The following PRDM16 variants were observed in gnomAD, a reference collection of about 807,000 sequenced individuals.
PRDM16 encodes the protein PR/SET domain 16.
In PRDM16, 23 loss-of-function variants were observed where a neutral mutation model predicts 110.6. The ratio of observed to expected loss-of-function variants is 0.21; its 90% confidence interval spans 0.15 to 0.29. PRDM16 has a LOEUF of 0.29. Ranked by LOEUF, PRDM16 falls within the 10% of genes least tolerant of loss-of-function variation. PRDM16 has a pLI of 1.00. For missense variants in PRDM16, 1,615 were observed against 1,794.3 expected (o/e 0.90, Z 1.81); for synonymous variants, 799 against 781.8 (o/e 1.02, Z -0.37).
chr1:3,254,995 T>C, intron 3 of PRDM16, among the ~76,000 whole-genome samples: 1 of 151,964 alleles, frequency 6.6e-6, no homozygotes, highest in South Asian at 2.1e-4. Context: ...CCCTCAGAAA[T>C]AACGCCGCAT....
At chr1:3,352,895 G>A (rs1642521870) in intron 3 of PRDM16, among the ~76,000 whole-genome samples, 1 of 152,106 alleles carries the variant, frequency 6.6e-6, no homozygotes, top group Admixed American at 6.5e-5. Context: ...CGCATTTGGT[G>A]TTCACACAAG....
intron 14 of PRDM16, among the ~76,000 whole-genome samples, chr1:3,429,082 G>A (rs1004614802): frequency 1.3e-5 from 2 of 152,278 alleles, no homozygotes; most frequent in African/African-American, 4.8e-5. Flanking sequence ...GATGGCCAAA[G>A]AGGGCCGGCA....
intron 3 of PRDM16, among the ~76,000 whole-genome samples, chr1:3,352,265 G>T (rs1325154418): frequency 6.6e-6 from 1 of 152,098 alleles, no homozygotes; most frequent in African/African-American, 2.4e-5. Context: ...CCCCACCTGC[G>T]GACTGATTCA....
chr1:3,198,329 C>T (rs971086560), intron 2 of PRDM16, among the ~76,000 whole-genome samples: 3 of 152,254 alleles, frequency 2.0e-5, no homozygotes, highest in Non-Finnish European at 4.4e-5. Context: ...AAGCCGGCAC[C>T]CTTGCTGCAT....
In PRDM16 at chr1:3,081,458, C is replaced by T. The variant is rs2788094; in HGVS notation, c.37+12162C>T. Among the ~76,000 whole-genome samples the T allele has an allele frequency of 0.097, 14,781 of 152,250 alleles. 941 individuals are homozygous for T. Among genetic ancestry groups the T allele is most frequent in the Middle Eastern group, 0.15 (44 of 294 alleles). On this transcript the variant is annotated intron_variant, in intron 1 of 16. Transcript: ENST00000270722. This position sits in a 1 kb window ranked among gnomAD's most constrained non-coding sequence, Gnocchi z 4.6. ...GAGCCCCCTCCTTGTCCCACCAGAC[C>T]GAGCTGTGGCCGTGTGAGGAGCAGG...
chr1:3,124,751 G>A (rs1643168947), intron 1 of PRDM16, among the ~76,000 whole-genome samples: 1 of 152,208 alleles, frequency 6.6e-6, no homozygotes, highest in African/African-American at 2.4e-5. Context: ...TCCACCTAAG[G>A]TGGGCCCCAG....
intron 3 of PRDM16, among the ~76,000 whole-genome samples, chr1:3,292,059 C>T (rs1011106230): frequency 6.6e-6 from 1 of 152,022 alleles, no homozygotes; most frequent in Admixed American, 6.5e-5. Flanking sequence ...GGTGCATGGC[C>T]GCTTCAGCAA....
rs75477577 is a variant in PRDM16 at position 3,357,366 on chromosome 1, G to A, written c.439-27786G>A. On this transcript the variant is annotated intron_variant, in intron 3 of 16. Transcript: ENST00000270722. ...AAATGCCAGCCCCACCCCCCGCCCC[G>A]AGCTGGAAAACCTTCAGCCGTGTGC... is the stretch of plus-strand genomic sequence containing the variant. Among the ~76,000 whole-genome samples the A allele has an allele frequency of 7.4e-3, 1,082 of 147,164 alleles. 14 individuals are homozygous for A. Among genetic ancestry groups the A allele is most frequent in the Non-Finnish European group, 9.8e-3 (658 of 66,920 alleles).
intron 3 of PRDM16, among the ~76,000 whole-genome samples, chr1:3,319,425 AG>A (rs1457044033): frequency 1.3e-5 from 2 of 152,166 alleles, no homozygotes; most frequent in African/African-American, 4.8e-5. Context: ...TGTTTGGGGC[AG>A]GGGGGCAGAT....
In PRDM16 at chr1:3,255,618, G is replaced by A. The variant is rs1640024642; in HGVS notation, c.438+11481G>A. On this transcript the variant is annotated intron_variant, in intron 3 of 16. Transcript: ENST00000270722. This position sits in a 1 kb window ranked among gnomAD's most constrained non-coding sequence, Gnocchi z 4.7. ...ACAGCACACGGTGCCCCTCCTTATCGCATTCAACTTAGCTGCTGTGGGCAA... is the reference window on the plus strand; with the variant it reads ...ACAGCACACGGTGCCCCTCCTTATCACATTCAACTTAGCTGCTGTGGGCAA... Among the ~76,000 whole-genome samples the A allele has an allele frequency of 2.0e-5, 3 of 152,190 alleles. No homozygotes were observed. The highest frequency in any genetic ancestry group is 2.1e-4 in the South Asian group (1 of 4,832).
chr1:3,283,544 AAG>A (rs1158506118), intron 3 of PRDM16, among the ~76,000 whole-genome samples: 1 of 152,064 alleles, frequency 6.6e-6, no homozygotes, highest in East Asian at 1.9e-4. Context: ...AGACACACAG[AAG>A]AGAGGGGACG....
At chr1:3,225,571 TGTGC>T (rs1389759047) in intron 2 of PRDM16, among the ~76,000 whole-genome samples, 5 of 107,666 alleles carry the variant, frequency 4.6e-5, no homozygotes, top group South Asian at 2.9e-4. Flanking sequence ...TGTGTGTGTG[TGTGC>T]GCGCGCGCAG....
intron 2 of PRDM16, among the ~76,000 whole-genome samples, chr1:3,222,209 C>T (rs1393088883): frequency 3.3e-5 from 5 of 152,194 alleles, no homozygotes; most frequent in Non-Finnish European, 7.3e-5. Flanking sequence ...GGGCTGCCCA[C>T]GTGGGTTCCC....
rs1041074829 is a variant in PRDM16, at chr1:3,265,469, C to T, written c.438+21332C>T. ...GTTGGGGAGGGACTTGGAGGCTTCCCGGTGGGAAGGTGAGTTGCCCTGCCT... is the reference window on the plus strand; with the variant it reads ...GTTGGGGAGGGACTTGGAGGCTTCCTGGTGGGAAGGTGAGTTGCCCTGCCT... On this transcript the variant is annotated intron_variant, in intron 3 of 16. Transcript: ENST00000270722. This position sits in a 1 kb window ranked among gnomAD's most constrained non-coding sequence, Gnocchi z 4.5. 3.3e-5 allele frequency among the ~76,000 whole-genome samples: 5 copies of T among 151,902 alleles called. No homozygotes were observed. The highest frequency in any genetic ancestry group is 4.8e-5 in the African/African-American group (2 of 41,322).
At chr1:3,411,038 T>G (rs1106271) in intron 8 of PRDM16, among the ~76,000 whole-genome samples, 86,349 of 151,972 alleles carry the variant, frequency 0.57, 26,372 homozygotes, top group African/African-American at 0.81. Flanking sequence ...CAGTCTTGGG[T>G]GGGGCGCATG....
In PRDM16 at chr1:3,435,838, C is replaced by T. The variant is rs1207216778; in HGVS notation, c.*2027C>T. On this transcript the variant is annotated 3_prime_UTR_variant, in exon 17 of 17. Coordinates refer to ENST00000270722, the MANE Select transcript of PRDM16 (RefSeq NM_022114.4). ...GGGGAGGCTCCTGCAGGAGGCTCAA[C>T]CCGACGGATCACAGTGAAAGGGATT... is the stretch of plus-strand genomic sequence containing the variant. 8.6e-6 allele frequency: 2 copies of T among 232,172 alleles called. No individual in the cohort carries two copies. Among genetic ancestry groups the T allele is most frequent in the Non-Finnish European group, 8.5e-6 (1 of 117,408 alleles). 14.4% of individuals were successfully genotyped at this position (232,172 alleles called of 1,614,324 possible).
intron 2 of PRDM16, among the ~76,000 whole-genome samples, chr1:3,222,776 G>C (rs998612248): frequency 1.3e-5 from 2 of 152,246 alleles, no homozygotes; most frequent in Non-Finnish European, 2.9e-5. Context: ...GTGGATGCAG[G>C]CTTGGTTCTG....
intron 3 of PRDM16, among the ~76,000 whole-genome samples, chr1:3,316,268 GGGGGTA>G (rs1641598368): frequency 1.3e-5 from 2 of 149,572 alleles, no homozygotes; most frequent in South Asian, 4.4e-4. Flanking sequence ...CCTACACTGT[GGGGGTA>G]GGGGTGGGGG....
chr1:3,293,855 T>C (rs779312339), intron 3 of PRDM16, among the ~76,000 whole-genome samples: 1 of 152,202 alleles, frequency 6.6e-6, no homozygotes, highest in Non-Finnish European at 1.5e-5. Context: ...GGCGATGGCG[T>C]GGCCCGGCCC....
Sources: gnomAD v4.1 joint callset for allele counts (sites outside exome capture counted in the v4.1 genomes callset) on GRCh38, gnomAD v4.1.1 for gene constraint, Gnocchi (gnomAD v3.1) non-coding constraint, MANE v1.5 for transcripts, NCBI Gene and HGNC (gene_info 2026-07-23, HGNC 2026-07-21) for gene names.